Variants in GRIK1 observed in about 807,000 individuals in gnomAD.
The protein encoded by GRIK1 is glutamate ionotropic receptor kainate type subunit 1, also known as glutamate receptor ionotropic, kainate 1.
GRIK1 carries 69 observed loss-of-function variants against 105.7 expected under a neutral mutation model. The observed-to-expected ratio is 0.65, with a 90% CI of 0.54 to 0.80. The LOEUF (loss-of-function observed/expected upper bound fraction) is 0.80. Among genes scored for constraint, GRIK1 ranks in the 30% least tolerant of loss-of-function variants. The probability of loss-of-function intolerance (pLI) is 0.00; values close to 1 mark genes in which losing one functional copy is unlikely to be tolerated. For synonymous variants in GRIK1, 438 were observed against 431.3 expected, an observed-to-expected ratio of 1.02 and a Z score of -0.19; for missense variants, 1,109 against 1,167.3, an observed-to-expected ratio of 0.95 and a Z score of 0.73.
At chr21:29,863,592 C>A (rs1171558434) in intron 1 of GRIK1, among the ~76,000 whole-genome samples, 1 of 152,098 alleles carries the variant, frequency 6.6e-6, no homozygotes, top group Non-Finnish European at 1.5e-5. Flanking sequence ...GTCTATTATG[C>A]AAAAGGAGAA....
intron 2 of GRIK1, among the ~76,000 whole-genome samples, chr21:29,693,077 AT>A (rs1224328545): frequency 1.3e-5 from 2 of 152,164 alleles, no homozygotes; most frequent in African/African-American, 4.8e-5. Flanking sequence ...ATTTGTGTGT[AT>A]TTAGTAGGCA....
intron 16 of GRIK1, among the ~76,000 whole-genome samples, chr21:29,540,500 G>C (rs2089951619): frequency 6.6e-6 from 1 of 152,154 alleles, no homozygotes; most frequent in South Asian, 2.1e-4. Context: ...CCAGCCATGA[G>C]CTTGAGTAAA....
rs79040307 is a variant in GRIK1 at position 29,688,890 on chromosome 21, G to T, written c.544+838C>A. On this transcript the variant is annotated intron_variant, in intron 3 of 17. Coordinates refer to ENST00000327783, the MANE Select transcript of GRIK1 (RefSeq NM_001330994.2). Reference sequence around the variant, plus strand: ...GTCAGGAGAACATGGGGATATTGAAGAAATGATAGATTCTTCATCATAACT... The same window carrying T: ...GTCAGGAGAACATGGGGATATTGAATAAATGATAGATTCTTCATCATAACT... 7.8e-3 allele frequency among the ~76,000 whole-genome samples: 1,183 copies of T among 152,208 alleles called. 13 individuals are homozygous for T. Among genetic ancestry groups the T allele is most frequent in the African/African-American group, 0.027 (1,133 of 41,502 alleles).
At chr21:29,917,759 T>C (rs1052134442) in intron 1 of GRIK1, among the ~76,000 whole-genome samples, 1 of 152,090 alleles carries the variant, frequency 6.6e-6, no homozygotes, top group Non-Finnish European at 1.5e-5. Flanking sequence ...AGTTGAAATG[T>C]TCTCAAAATA....
intron 1 of GRIK1, among the ~76,000 whole-genome samples, chr21:29,936,997 C>G (rs1045716601): frequency 6.6e-6 from 1 of 152,060 alleles, no homozygotes; most frequent in Non-Finnish European, 1.5e-5. Flanking sequence ...TTTAGTTGAT[C>G]GGTCGGTTGC....
intron 1 of GRIK1, among the ~76,000 whole-genome samples, chr21:29,722,461 C>A (rs2064345878): frequency 6.6e-6 from 1 of 151,334 alleles, no homozygotes; most frequent in Non-Finnish European, 1.5e-5. Flanking sequence ...GTGGGTGAGG[C>A]AGGAGAATGG....
In GRIK1 at chr21:29,843,527, G is replaced by A. The variant is rs1011728378; in HGVS notation, c.118+95856C>T. Among the ~76,000 whole-genome samples, 6 of 152,274 alleles carry A rather than the reference G, an allele frequency of 3.9e-5. No homozygotes were observed. The East Asian group carries it at 1.2e-3, about 29-fold the overall frequency. On this transcript the variant is annotated intron_variant, in intron 1 of 17. Coordinates refer to ENST00000327783, the MANE Select transcript of GRIK1 (RefSeq NM_001330994.2). Reference sequence around the variant, plus strand: ...GCCAATATTTTGAAATTTGTTGAAAGTAAGATTTTTTTTTAAATGTAAAAG... The same window carrying A: ...GCCAATATTTTGAAATTTGTTGAAAATAAGATTTTTTTTTAAATGTAAAAG...
chr21:29,730,104 G>A (rs896470938), intron 1 of GRIK1, among the ~76,000 whole-genome samples: 6 of 152,206 alleles, frequency 3.9e-5, no homozygotes, highest in Middle Eastern at 3.4e-3. Flanking sequence ...ATGGCAGTTC[G>A]CCCAGTAATT....
intron 7 of GRIK1, among the ~76,000 whole-genome samples, chr21:29,631,347 C>T (rs2062267285): frequency 1.3e-5 from 2 of 152,110 alleles, no homozygotes; most frequent in South Asian, 2.1e-4. Flanking sequence ...GTAGAGTCCC[C>T]ATGGTGGGAT....
chr21:29,560,574 T>TTCTTTCTTTCTCTCTCTCTCTCTC (rs1601116875), intron 15 of GRIK1, among the ~76,000 whole-genome samples: 2 of 124,176 alleles, frequency 1.6e-5, no homozygotes, highest in African/African-American at 8.0e-5. Context: ...CTTTCTTTCT[T>TTCTTTCTTTCTCTCTCTCTCTCTC]TCTCTCTTTC....
chr21:29,798,933 G>C (rs59809244), intron 1 of GRIK1, among the ~76,000 whole-genome samples: 1 of 152,298 alleles, frequency 6.6e-6, no homozygotes, highest in East Asian at 1.9e-4. Context: ...AGATTGGAGA[G>C]AGGCTGAGAG....
chr21:29,676,518 A>G (rs890862816), intron 3 of GRIK1, among the ~76,000 whole-genome samples: 5 of 152,202 alleles, frequency 3.3e-5, no homozygotes, highest in African/African-American at 1.2e-4. Flanking sequence ...TGCTAAACAT[A>G]TAATTGCTTC....
chr21:29,705,851 AT>A (rs887354644), intron 1 of GRIK1, among the ~76,000 whole-genome samples: 83 of 147,800 alleles, frequency 5.6e-4, no homozygotes, highest in African/African-American at 2.0e-3. Context: ...CATTTGCTAT[AT>A]TTTTTTCTTT....
chr21:29,758,840 G>C (rs2065426133), intron 1 of GRIK1: 1 of 152,716 alleles, frequency 6.5e-6, no homozygotes, highest in Non-Finnish European at 1.5e-5. Context: ...GGTTCTTCAG[G>C]CCTGTCTCAG....
At chr21:29,599,929 A>G (rs1420605668) in intron 7 of GRIK1, among the ~76,000 whole-genome samples, 2 of 152,186 alleles carry the variant, frequency 1.3e-5, no homozygotes, top group African/African-American at 4.8e-5. Context: ...TACTAAAAAT[A>G]CAAAATATTA....
rs28499011 is a variant in GRIK1, at chr21:29,614,615, G to A, written c.1099-15678C>T. Among the ~76,000 whole-genome samples, 419 of 151,198 alleles carry A rather than the reference G, an allele frequency of 2.8e-3. 26 individuals are homozygous for A. Among genetic ancestry groups the A allele is most frequent in the African/African-American group, 9.6e-3 (388 of 40,606 alleles). On this transcript the variant is annotated intron_variant, in intron 7 of 17. Transcript: ENST00000327783. ...TTTAGTAGAGATGGGGTTTCTCCAT[G>A]TTGGTCAGGCTGGTCTCAAACTCTC...
chr21:29,587,359 A>G lies in GRIK1; in HGVS notation c.1793+7T>C. 3 of 1,575,088 alleles carry G rather than the reference A, an allele frequency of 1.9e-6. No homozygotes were observed. Among genetic ancestry groups the G allele is most frequent in the Non-Finnish European group, 2.6e-6 (3 of 1,144,458 alleles). On this transcript the variant is annotated splice_region_variant and intron_variant, in intron 12 of 17. Coordinates refer to ENST00000327783, the MANE Select transcript of GRIK1 (RefSeq NM_001330994.2). ...CCTCTTGTGAATTCAGTGATTCTCAAACTTACCTTGCAATCACAAAGAGTA... is the reference window on the plus strand; with the variant it reads ...CCTCTTGTGAATTCAGTGATTCTCAGACTTACCTTGCAATCACAAAGAGTA...
At chr21:29,621,951 C>CTT (rs573545339) in intron 7 of GRIK1, among the ~76,000 whole-genome samples, 1 of 143,676 alleles carries the variant, frequency 7.0e-6, no homozygotes, top group Non-Finnish European at 1.5e-5. Context: ...CTTCTTTTTT[C>CTT]TTTTTTTTTT....
At chr21:29,939,307 G>T (rs373730659) in intron 1 of GRIK1, 76 bp downstream of exon 1, 2 of 872,232 alleles carry the variant, frequency 2.3e-6, no homozygotes, top group Non-Finnish European at 3.7e-6. Flanking sequence ...GCGCTGCCTC[G>T]CCCGGGACCC....
Sources: allele counts gnomAD v4.1 joint callset (sites outside exome capture counted in the v4.1 genomes callset), GRCh38; gene constraint gnomAD v4.1.1; transcripts MANE v1.5; gene names NCBI Gene and HGNC (gene_info 2026-07-23, HGNC 2026-07-21).